Variants in SPIDR observed in about 807,000 individuals in gnomAD.
SPIDR encodes DNA repair-scaffolding protein.
SPIDR carries 93 observed loss-of-function variants against 104.6 expected under a neutral mutation model. That is an observed-to-expected ratio of 0.89 (90% CI 0.75 to 1.06). SPIDR has a LOEUF of 1.06. Among genes scored for constraint, SPIDR ranks in the 50% least tolerant of loss-of-function variants. The probability of loss-of-function intolerance (pLI) is 0.00; values close to 1 mark genes in which losing one functional copy is unlikely to be tolerated. For missense variants in SPIDR, 1,154 were observed against 1,111.2 expected (o/e 1.04, Z -0.55); for synonymous variants, 431 against 416.9 (o/e 1.03, Z -0.41).
At chr8:47,359,112 T>TA (rs782817149) in intron 5 of SPIDR, among the ~76,000 whole-genome samples, 1 of 152,036 alleles carries the variant, frequency 6.6e-6, no homozygotes, top group Non-Finnish European at 1.5e-5. Flanking sequence ...AGTTTTTTTT[T>TA]ACGGGCGCCT....
chr8:47,654,561 TTTA>T (rs952233179), intron 10 of SPIDR, among the ~76,000 whole-genome samples: 2 of 152,164 alleles, frequency 1.3e-5, no homozygotes, highest in African/African-American at 4.8e-5. Flanking sequence ...CAGCAGTGAT[TTTA>T]TTCTGTGTAC....
At chr8:47,298,038 C>T (rs1329188079) in intron 5 of SPIDR, among the ~76,000 whole-genome samples, 1 of 152,196 alleles carries the variant, frequency 6.6e-6, no homozygotes, top group Non-Finnish European at 1.5e-5. Flanking sequence ...GCCACACTGA[C>T]TTCCACAATG....
chr8:47,504,965 A>T (rs2081240929), intron 8 of SPIDR, among the ~76,000 whole-genome samples: 1 of 152,156 alleles, frequency 6.6e-6, no homozygotes, highest in Admixed American at 6.5e-5. Context: ...TGAACAGCAA[A>T]TGTTGCTGCC....
chr8:47,494,313 A>G (rs2079137016), intron 8 of SPIDR, among the ~76,000 whole-genome samples: 1 of 149,920 alleles, frequency 6.7e-6, no homozygotes, highest in African/African-American at 2.5e-5. Flanking sequence ...TTTTAAAGAC[A>G]GGGTCTCACT....
At chr8:47,712,925 A>G (rs1464279583) in intron 15 of SPIDR, 53 bp downstream of exon 15, 1 of 1,606,212 alleles carries the variant, frequency 6.2e-7, no homozygotes, top group South Asian at 1.1e-5. Context: ...CCGTGCCCAT[A>G]GAATACCTCT....
intron 5 of SPIDR, among the ~76,000 whole-genome samples, chr8:47,328,026 C>CT (rs2047995453): frequency 6.8e-6 from 1 of 146,104 alleles, no homozygotes. Context: ...TTTTTTTTCA[C>CT]TTTTTTGACA....
Position 47,612,253 on chromosome 8 carries a change from A to G in SPIDR, c.1544+13057A>G, listed in dbSNP as rs923278045. On this transcript the variant is annotated intron_variant, in intron 10 of 19. Coordinates refer to ENST00000297423, the MANE Select transcript of SPIDR (RefSeq NM_001080394.4). ...TACCTCGAGTCTTTGCACACAGGTAAGTTAAATAGAACGCTGACTACTCTG... is the reference window on the plus strand; with the variant it reads ...TACCTCGAGTCTTTGCACACAGGTAGGTTAAATAGAACGCTGACTACTCTG... 2.6e-5 allele frequency among the ~76,000 whole-genome samples: 4 copies of G among 152,320 alleles called. No individual in the cohort carries two copies. The South Asian group carries it at 8.3e-4, about 32-fold the overall frequency.
At chr8:47,486,855 A>G (rs529447113) in intron 8 of SPIDR, among the ~76,000 whole-genome samples, 6 of 152,340 alleles carry the variant, frequency 3.9e-5, no homozygotes, top group Admixed American at 3.9e-4. Context: ...AGGAAGCACT[A>G]AACGCGGAAA....
rs78570227 is a variant in SPIDR, at chr8:47,575,221, G to T, written c.1098-20590G>T. On this transcript the variant is annotated intron_variant, in intron 8 of 19. Coordinates refer to ENST00000297423, the MANE Select transcript of SPIDR (RefSeq NM_001080394.4). ...AAGTGTCTTGTTTTCTTTGAAGGTG[G>T]TCCCCACCATTCAGGTTTGTGGTTA... Among the ~76,000 whole-genome samples, 603 of 152,172 alleles carry T rather than the reference G, an allele frequency of 4.0e-3. 17 individuals are homozygous for T. In the East Asian group the frequency reaches 0.066, roughly 17 times the overall value.
At chr8:47,566,473 A>G (rs1302632669) in intron 8 of SPIDR, among the ~76,000 whole-genome samples, 1 of 152,104 alleles carries the variant, frequency 6.6e-6, no homozygotes, top group Non-Finnish European at 1.5e-5. Context: ...AAGGACTTAT[A>G]AAGTCCAGCT....
intron 1 of SPIDR, 60 bp downstream of exon 1, chr8:47,261,051 G>T: frequency 3.3e-6 from 4 of 1,225,206 alleles, no homozygotes; most frequent in Non-Finnish European, 4.1e-6. Flanking sequence ...GAAGCGGCGG[G>T]CCGGCGCGGG....
At chr8:47,569,978 T>G (rs1014244881) in intron 8 of SPIDR, among the ~76,000 whole-genome samples, 5 of 152,122 alleles carry the variant, frequency 3.3e-5, no homozygotes, top group Non-Finnish European at 7.4e-5. Context: ...TGAAAGAGAT[T>G]AATAGGGTTA....
At chr8:47,590,274 G>A (rs2060844633) in intron 8 of SPIDR, among the ~76,000 whole-genome samples, 1 of 151,794 alleles carries the variant, frequency 6.6e-6, no homozygotes, top group Admixed American at 6.6e-5. Flanking sequence ...ATTGATTTGA[G>A]ACTTTTTTCT....
chr8:47,599,932 A>G (rs1238831232), intron 10 of SPIDR, among the ~76,000 whole-genome samples: 2 of 151,986 alleles, frequency 1.3e-5, no homozygotes, highest in South Asian at 2.1e-4. Context: ...TAATTTTTGT[A>G]TTTTTAGTAG....
At chr8:47,566,200 T>TTC (rs776188291) in intron 8 of SPIDR, among the ~76,000 whole-genome samples, 39 of 151,166 alleles carry the variant, frequency 2.6e-4, no homozygotes, top group Non-Finnish European at 4.7e-4. Context: ...GAGGTGGGGT[T>TTC]TCTCCATGTT....
chr8:47,620,953 T>G (rs2065068873), intron 10 of SPIDR, among the ~76,000 whole-genome samples: 1 of 151,352 alleles, frequency 6.6e-6, no homozygotes, highest in Non-Finnish European at 1.5e-5. Flanking sequence ...CAATTCTCAC[T>G]GGGTTTTTGT....
chr8:47,594,368 A>C (rs1477531986), intron 8 of SPIDR, among the ~76,000 whole-genome samples: 1 of 151,706 alleles, frequency 6.6e-6, no homozygotes, highest in African/African-American at 2.4e-5. Context: ...CTCCATCTCA[A>C]AAAAAAGAAA....
chr8:47,561,984 A>AT (rs888730597), intron 8 of SPIDR, among the ~76,000 whole-genome samples: 7 of 152,100 alleles, frequency 4.6e-5, no homozygotes, highest in African/African-American at 1.7e-4. Context: ...CTGCCTTGTG[A>AT]TTTTTTCCTC....
At chr8:47,502,881 C>A (rs972750000) in intron 8 of SPIDR, among the ~76,000 whole-genome samples, 1 of 152,206 alleles carries the variant, frequency 6.6e-6, no homozygotes, top group African/African-American at 2.4e-5. Context: ...TTTCAGCCTT[C>A]ATTTCGTTAT....
Sources: allele counts gnomAD v4.1 joint callset (sites outside exome capture counted in the v4.1 genomes callset), GRCh38; gene constraint gnomAD v4.1.1; transcripts MANE v1.5; gene names NCBI Gene and HGNC (gene_info 2026-07-23, HGNC 2026-07-21).